Variants in QKI observed in about 807,000 individuals in gnomAD.
QKI encodes the protein QKI, KH domain containing RNA binding.
QKI carries 10 observed loss-of-function variants against 39.0 expected under a neutral mutation model. The ratio of observed to expected loss-of-function variants is 0.26; its 90% CI spans 0.16 to 0.43. The LOEUF (loss-of-function observed/expected upper bound fraction) is 0.43, where lower values mean the gene tolerates loss of function less well. Ranked by LOEUF, QKI falls within the 20% of genes least tolerant of loss-of-function variation. QKI has a pLI of 1.00. For synonymous variants in QKI, 204 were observed against 155.4 expected, an observed-to-expected ratio of 1.31 and a Z score of -2.33; for missense variants, 218 against 428.0, an observed-to-expected ratio of 0.51 and a Z score of 4.33.
intron 3 of QKI, among the ~76,000 whole-genome samples, chr6:163,501,825 T>G (rs1246898902): frequency 6.6e-6 from 1 of 152,232 alleles, no homozygotes; most frequent in Non-Finnish European, 1.5e-5. Flanking sequence ...TTAAAACTTG[T>G]ATTAAGCAGC....
At chr6:163,547,315 G>A (rs1781945792) in intron 4 of QKI, among the ~76,000 whole-genome samples, 2 of 152,156 alleles carry the variant, frequency 1.3e-5, no homozygotes, top group Non-Finnish European at 1.5e-5. Context: ...ATTTCATAAT[G>A]TAAATGAGAA....
At chr6:163,517,084 TC>T (rs1562505638) in intron 3 of QKI, among the ~76,000 whole-genome samples, 2 of 68,912 alleles carry the variant, frequency 2.9e-5, no homozygotes, top group Non-Finnish European at 5.3e-5. Context: ...TCTCTCTTTC[TC>T]TCTCTCTCTC....
At chr6:163,503,301 GAA>G (rs1213648716) in intron 3 of QKI, among the ~76,000 whole-genome samples, 1 of 151,966 alleles carries the variant, frequency 6.6e-6, no homozygotes, top group Non-Finnish European at 1.5e-5. Context: ...TGTATATAGT[GAA>G]AGATGTGGGT....
At chr6:163,569,807 G>A in intron 7 of QKI, 1 of 985,914 alleles carries the variant, frequency 1.0e-6, no homozygotes, top group Non-Finnish European at 1.2e-6. Flanking sequence ...AATAAAGAAA[G>A]CTGTTTGTAG....
chr6:163,496,433 C>T (rs1778416040), intron 3 of QKI, among the ~76,000 whole-genome samples: 1 of 152,118 alleles, frequency 6.6e-6, no homozygotes, highest in East Asian at 1.9e-4. Context: ...TGGTGAGTTG[C>T]TTGGCCCCAA....
chr6:163,449,278 C>G (rs2759393), intron 1 of QKI, among the ~76,000 whole-genome samples: 1 of 151,878 alleles, frequency 6.6e-6, no homozygotes, highest in Non-Finnish European at 1.5e-5. Context: ...ATATACTTGT[C>G]GTTTTACTGA....
rs926016726 is a variant in QKI, at chr6:163,573,356, C to T, written c.*2646C>T. On this transcript the variant is annotated 3_prime_UTR_variant, in exon 8 of 8. Transcript: ENST00000361752. Reference sequence around the variant, plus strand: ...GATGGGAGTGTCGCTTGTATGTTATCGTACAGCTGACATGTATTTTTGTCT... The same window carrying T: ...GATGGGAGTGTCGCTTGTATGTTATTGTACAGCTGACATGTATTTTTGTCT... 6.6e-6 allele frequency: 1 copy of T among 151,954 alleles called. No individual in the cohort carries two copies. The highest frequency in any genetic ancestry group is 1.9e-4 in the East Asian group (1 of 5,182). The allele number at this position is 151,954 out of a possible 1,614,324, so 9.4% of individuals were successfully genotyped here.
chr6:163,476,903 T>TA (rs1190036085), intron 2 of QKI, among the ~76,000 whole-genome samples: 2 of 152,208 alleles, frequency 1.3e-5, no homozygotes, highest in African/African-American at 4.8e-5. Flanking sequence ...GCTATACACA[T>TA]ACATATCTGT....
chr6:163,516,439 C>T (rs551583323), intron 3 of QKI, among the ~76,000 whole-genome samples: 7 of 152,028 alleles, frequency 4.6e-5, no homozygotes, highest in Non-Finnish European at 7.4e-5. Context: ...GGACTATAGG[C>T]GCACACCACC....
At chr6:163,533,821 A>G (rs1781028457) in intron 3 of QKI, among the ~76,000 whole-genome samples, 1 of 151,968 alleles carries the variant, frequency 6.6e-6, no homozygotes, top group Admixed American at 6.6e-5. Flanking sequence ...ATGTGGATGC[A>G]TTTTCATCCT....
At chr6:163,430,240 A>G (rs1035883362) in intron 1 of QKI, among the ~76,000 whole-genome samples, 94 of 152,086 alleles carry the variant, frequency 6.2e-4, no homozygotes, top group Non-Finnish European at 7.4e-5. Context: ...TCTTATCTCT[A>G]TCCTGTACAG....
chr6:163,527,328 G>C (rs754979882), intron 3 of QKI, among the ~76,000 whole-genome samples: 1 of 152,098 alleles, frequency 6.6e-6, no homozygotes, highest in Non-Finnish European at 1.5e-5. Flanking sequence ...TGCACAACTG[G>C]AGATGGTAAT....
At chr6:163,493,404 C>T (rs1411579891) in intron 3 of QKI, among the ~76,000 whole-genome samples, 1 of 152,184 alleles carries the variant, frequency 6.6e-6, no homozygotes, top group Non-Finnish European at 1.5e-5. Flanking sequence ...GCTGGAATTA[C>T]AGGCATGAGC....
intron 3 of QKI, among the ~76,000 whole-genome samples, chr6:163,496,245 CAAT>C (rs1775428768): frequency 6.6e-6 from 1 of 152,102 alleles, no homozygotes; most frequent in Non-Finnish European, 1.5e-5. Context: ...GTGGTGACAA[CAAT>C]AAGTTGATGT....
intron 3 of QKI, among the ~76,000 whole-genome samples, chr6:163,503,460 G>A (rs1036099829): frequency 3.3e-5 from 5 of 150,770 alleles, no homozygotes; most frequent in African/African-American, 1.2e-4. Context: ...ATAGATTCCA[G>A]ATATTAGACC....
At chr6:163,495,169 C>T (rs1214301462) in intron 3 of QKI, among the ~76,000 whole-genome samples, 1 of 152,138 alleles carries the variant, frequency 6.6e-6, no homozygotes, top group African/African-American at 2.4e-5. Flanking sequence ...CCTGCCTCGG[C>T]CTCCCAAAGT....
intron 3 of QKI, among the ~76,000 whole-genome samples, chr6:163,500,885 C>T (rs756523975): frequency 3.3e-5 from 5 of 152,124 alleles, no homozygotes; most frequent in Non-Finnish European, 5.9e-5. Flanking sequence ...GCCACGCCCA[C>T]ACACATAACT....
intron 1 of QKI, among the ~76,000 whole-genome samples, chr6:163,417,941 T>C (rs1787664402): frequency 6.6e-6 from 1 of 152,224 alleles, no homozygotes; most frequent in Non-Finnish European, 1.5e-5. Context: ...TAAACTTAAT[T>C]TGACTTAAGA....
At chr6:163,420,154 C>CTTTTTTT (rs35131240) in intron 1 of QKI, among the ~76,000 whole-genome samples, 1 of 60,822 alleles carries the variant, frequency 1.6e-5, no homozygotes, top group African/African-American at 5.5e-5. Context: ...CTTTTCTTTT[C>CTTTTTTT]TTTTTTTTTT....
Sources: gnomAD v4.1 joint callset for allele counts (sites outside exome capture counted in the v4.1 genomes callset) on GRCh38, gnomAD v4.1.1 for gene constraint, MANE v1.5 for transcripts, NCBI Gene and HGNC (gene_info 2026-07-23, HGNC 2026-07-21) for gene names.